Variants in PATJ observed in about 807,000 individuals in gnomAD.
The protein encoded by PATJ is inaD-like protein.
Under a neutral mutation model 224.9 loss-of-function variants are expected in PATJ, and 190 were observed. That is an observed-to-expected ratio of 0.84 (90% CI 0.75 to 0.95). PATJ has a LOEUF of 0.95. Among genes scored for constraint, PATJ ranks in the 40% least tolerant of loss-of-function variants. The pLI is 0.00. For missense variants in PATJ, 2,121 were observed against 2,270.3 expected (o/e 0.93, Z 1.34); for synonymous variants, 769 against 820.3 (o/e 0.94, Z 1.07).
intron 1 of PATJ, among the ~76,000 whole-genome samples, chr1:61,759,712 C>T (rs886970654): frequency 3.9e-5 from 6 of 152,116 alleles, no homozygotes; most frequent in South Asian, 2.1e-4. Flanking sequence ...CCGGGCTGAT[C>T]GCTTTTGATA....
chr1:61,794,601 G>A (rs923362579), intron 9 of PATJ, among the ~76,000 whole-genome samples: 3 of 152,008 alleles, frequency 2.0e-5, no homozygotes, highest in African/African-American at 7.2e-5. Flanking sequence ...CCATTTGTCT[G>A]TTTCAATGTT....
chr1:62,137,178 T>G (rs1376908763), intron 41 of PATJ, among the ~76,000 whole-genome samples: 1 of 151,768 alleles, frequency 6.6e-6, no homozygotes, highest in East Asian at 2.0e-4. Context: ...CTAATTAAGT[T>G]TAATGTTCCT....
rs778375021 is a variant in PATJ at position 61,856,097 on chromosome 1, G to T, written c.2180G>T (p.Arg727Ile). The stretch of plus-strand genomic sequence containing the variant: ...CTGGTAGCAGATGGTGTAGCAGAAA[G>T]AAGTGGGGGACTATTACCTGGAGAC... ...RSLVADGVAE[R>I]SGGLLPGDRL... The change falls in exon 18 of 44, where the codon AGA becomes ATA. Residue 727 changes from arginine (R) to isoleucine (I), a missense_variant. Coordinates refer to ENST00000642238, the MANE Select transcript of PATJ (RefSeq NM_001350145.3). 6.2e-7 allele frequency: 1 copy of T among 1,614,152 alleles called. No individual in the cohort carries two copies. The highest frequency in any genetic ancestry group is 1.7e-5 in the Admixed American group (1 of 60,018).
chr1:62,117,871 C>T (rs551545518), intron 37 of PATJ, among the ~76,000 whole-genome samples: 6 of 152,068 alleles, frequency 3.9e-5, no homozygotes, highest in Non-Finnish European at 8.8e-5. Flanking sequence ...ACTATAGAAA[C>T]TTATATGTGA....
At chr1:61,831,913 A>G (rs918323597) in intron 16 of PATJ, among the ~76,000 whole-genome samples, 5 of 152,234 alleles carry the variant, frequency 3.3e-5, no homozygotes, top group African/African-American at 4.8e-5. Context: ...TAGCAAAGAC[A>G]TGGAACAAAC....
chr1:61,767,152 GC>G (rs1646329566), intron 4 of PATJ, among the ~76,000 whole-genome samples: 1 of 152,044 alleles, frequency 6.6e-6, no homozygotes, highest in Non-Finnish European at 1.5e-5. Flanking sequence ...TCTGGTTGTA[GC>G]CCCTAATACC....
intron 29 of PATJ, among the ~76,000 whole-genome samples, chr1:62,020,073 G>A (rs1357597501): frequency 1.3e-5 from 2 of 152,064 alleles, no homozygotes; most frequent in African/African-American, 2.4e-5. Flanking sequence ...GGGAGGCTGA[G>A]GCAGGAGCAT....
intron 39 of PATJ, among the ~76,000 whole-genome samples, chr1:62,127,346 A>G (rs1665820960): frequency 6.6e-6 from 1 of 151,502 alleles, no homozygotes; most frequent in African/African-American, 2.4e-5. Flanking sequence ...CTTTTGTGAT[A>G]ATTTTTGTTA....
At chr1:61,759,731 T>A (rs536578341) in intron 1 of PATJ, among the ~76,000 whole-genome samples, 12 of 152,324 alleles carry the variant, frequency 7.9e-5, no homozygotes, top group African/African-American at 2.4e-4. Context: ...TAATTTACTT[T>A]TTCCAGGAGT....
chr1:61,769,400 C>A lies in PATJ; in HGVS notation c.502C>A (p.Gln168Lys). 6.2e-7 allele frequency: 1 copy of A among 1,614,034 alleles called. No individual in the cohort carries two copies. The highest frequency in any genetic ancestry group is 8.5e-7 in the Non-Finnish European group (1 of 1,179,964). Residue 168 changes from glutamine (Q) to lysine (K), a missense_variant, in exon 5 of 44, where the codon CAG (glutamine) becomes AAG (lysine). Coordinates refer to ENST00000642238, the MANE Select transcript of PATJ (RefSeq NM_001350145.3). The stretch of plus-strand genomic sequence containing the variant: ...AGTTGATATCTTCGTGAAGGATGTC[C>A]AGCCAGGGAGTGTAGCAGACAGGTG... The part of the protein sequence containing the change: ...GKVDIFVKDV[Q>K]PGSVADRDQR...
intron 17 of PATJ, among the ~76,000 whole-genome samples, chr1:61,837,789 TAA>T (rs79022630): frequency 6.4e-5 from 8 of 124,912 alleles, no homozygotes; most frequent in Admixed American, 8.4e-5. Context: ...GACTCTGTCT[TAA>T]AAAAAAAAAA....
Position 62,126,948 on chromosome 1 carries a change from A to G in PATJ, c.5044-1024A>G, listed in dbSNP as rs1359848333. Among the ~76,000 whole-genome samples, 3 of 152,190 alleles carry G rather than the reference A, an allele frequency of 2.0e-5. No individual in the cohort carries two copies. In the East Asian group the frequency reaches 5.8e-4, roughly 29 times the overall value. On this transcript the variant is annotated intron_variant, in intron 39 of 43. Coordinates refer to ENST00000642238, the MANE Select transcript of PATJ (RefSeq NM_001350145.3). ...ATTTAATGCTCAGACCAACACTGTC[A>G]GGTATGTAGTATTCTTCTCATTTTA... is the stretch of plus-strand genomic sequence containing the variant.
intron 31 of PATJ, among the ~76,000 whole-genome samples, chr1:62,074,523 TC>T (rs1657983129): frequency 6.6e-6 from 1 of 152,028 alleles, no homozygotes; most frequent in Non-Finnish European, 1.5e-5. Context: ...AACCTCAAAC[TC>T]CTGGGCTCAA....
intron 31 of PATJ, among the ~76,000 whole-genome samples, chr1:62,058,680 C>T (rs1654930880): frequency 6.6e-6 from 1 of 152,162 alleles, no homozygotes; most frequent in African/African-American, 2.4e-5. Context: ...TTATTGGTAG[C>T]TATCATTAAT....
At chr1:61,841,445 G>A (rs1037209903) in intron 17 of PATJ, among the ~76,000 whole-genome samples, 3 of 151,984 alleles carry the variant, frequency 2.0e-5, no homozygotes, top group African/African-American at 7.2e-5. Flanking sequence ...TATATAGAGT[G>A]GTAACACTAT....
intron 38 of PATJ, among the ~76,000 whole-genome samples, chr1:62,122,547 G>A (rs982411688): frequency 1.3e-5 from 2 of 151,966 alleles, no homozygotes; most frequent in African/African-American, 2.4e-5. Flanking sequence ...ACAGCAGGCC[G>A]GGCACGGTGG....
At chr1:61,869,154 T>G (rs1465113171) in intron 20 of PATJ, among the ~76,000 whole-genome samples, 5 of 142,920 alleles carry the variant, frequency 3.5e-5, no homozygotes, top group African/African-American at 1.1e-4. Flanking sequence ...TCGCCCAGGC[T>G]GGAGTGCAGT....
At chr1:61,977,551 T>C (rs552854937) in intron 27 of PATJ, among the ~76,000 whole-genome samples, 2 of 152,052 alleles carry the variant, frequency 1.3e-5, no homozygotes, top group Admixed American at 6.5e-5. Flanking sequence ...AGCAATGATA[T>C]TCCAATTTAG....
intron 27 of PATJ, among the ~76,000 whole-genome samples, chr1:61,929,478 C>G (rs1207934434): frequency 6.6e-6 from 1 of 152,174 alleles, no homozygotes; most frequent in African/African-American, 2.4e-5. Flanking sequence ...AGTGTGATAC[C>G]TAGTAAATGC....
Sources: gnomAD v4.1 joint callset for allele counts (sites outside exome capture counted in the v4.1 genomes callset) on GRCh38, gnomAD v4.1.1 for gene constraint, MANE v1.5 for transcripts, NCBI Gene and HGNC (gene_info 2026-07-23, HGNC 2026-07-21) for gene names.